The following CMIP variants were observed in gnomAD, a reference collection of about 807,000 sequenced individuals.
The protein encoded by CMIP is c-Maf inducing protein.
CMIP carries 13 observed loss-of-function variants against 97.3 expected under a neutral mutation model. The observed-to-expected ratio is 0.13, with a 90% CI of 0.09 to 0.21. The LOEUF is 0.21. Ranked by LOEUF, CMIP falls within the 10% of genes least tolerant of loss-of-function variation. The pLI is 1.00. For synonymous variants in CMIP, 538 were observed against 436.3 expected (o/e 1.23, Z -2.91); for missense variants, 847 against 1,024.9 (o/e 0.83, Z 2.37).
intron 1 of CMIP, among the ~76,000 whole-genome samples, chr16:81,447,930 G>A (rs558097125): frequency 1.2e-4 from 18 of 152,342 alleles, no homozygotes; most frequent in African/African-American, 3.6e-4. Flanking sequence ...CCAGGCTCTC[G>A]GGGAAGCAGC....
At chr16:81,584,744 T>C (rs1032064686) in intron 1 of CMIP, among the ~76,000 whole-genome samples, 1 of 152,218 alleles carries the variant, frequency 6.6e-6, no homozygotes, top group South Asian at 2.1e-4. Context: ...AATGACTTTC[T>C]GTTCTTGAAT....
In CMIP at chr16:81,610,747, G is replaced by A. The variant is rs552461618; in HGVS notation, c.426+3055G>A. Among the ~76,000 whole-genome samples, 24 of 152,258 alleles carry A rather than the reference G, an allele frequency of 1.6e-4. No individual in the cohort carries two copies. The East Asian group carries it at 3.3e-3, about 21-fold the overall frequency. Reference sequence around the variant, plus strand: ...TGTGTGGTTCTAGGGAGGCTGGGGCGGGGTGCACTTGGCCCCTGGTGTGGT... The same window carrying A: ...TGTGTGGTTCTAGGGAGGCTGGGGCAGGGTGCACTTGGCCCCTGGTGTGGT... On this transcript the variant is annotated intron_variant, in intron 2 of 20. Transcript: ENST00000537098.
At chr16:81,460,690 A>C (rs1218801207) in intron 1 of CMIP, among the ~76,000 whole-genome samples, 2 of 152,150 alleles carry the variant, frequency 1.3e-5, no homozygotes, top group African/African-American at 4.8e-5. Context: ...CAGGAGCTTG[A>C]GGAGATGGAG....
In CMIP at chr16:81,696,680, A is replaced by G. The variant is rs551927602; in HGVS notation, c.1638+13A>G. 1.2e-6 allele frequency: 2 copies of G among 1,602,180 alleles called. No individual in the cohort carries two copies. Among genetic ancestry groups the G allele is most frequent in the African/African-American group, 2.7e-5 (2 of 74,956 alleles). ...GTTCGCCAGCATGGTACGCAGTGGG[A>G]CCCCAGTGGGGTGACTTCCAGGGGT... On this transcript the variant is annotated intron_variant, in intron 14 of 20. Coordinates refer to ENST00000537098, the MANE Select transcript of CMIP (RefSeq NM_198390.3).
intron 1 of CMIP, among the ~76,000 whole-genome samples, chr16:81,509,409 T>A (rs2089770110): frequency 6.6e-6 from 1 of 152,126 alleles, no homozygotes; most frequent in South Asian, 2.1e-4. Flanking sequence ...TTGGTGGGAG[T>A]TTGGCTTTGG....
chr16:81,490,052 G>C (rs1419755515), intron 1 of CMIP, among the ~76,000 whole-genome samples: 1 of 152,220 alleles, frequency 6.6e-6, no homozygotes, highest in African/African-American at 2.4e-5. Flanking sequence ...GAGAGGGCAA[G>C]AGACCTGTGG....
At chr16:81,620,962 C>G (rs1417256066) in intron 3 of CMIP, 36 bp downstream of exon 3, 4 of 1,612,114 alleles carry the variant, frequency 2.5e-6, no homozygotes, top group Admixed American at 3.3e-5. Flanking sequence ...TAAAGCGACT[C>G]AGGCAGTGGT....
At chr16:81,468,857 G>A (rs999792589) in intron 1 of CMIP, among the ~76,000 whole-genome samples, 1 of 152,342 alleles carries the variant, frequency 6.6e-6, no homozygotes, top group South Asian at 2.1e-4. Context: ...CCTGGCACAC[G>A]CTCCATAGGC....
chr16:81,692,854 C>A (rs186163929), intron 11 of CMIP, among the ~76,000 whole-genome samples: 1 of 152,314 alleles, frequency 6.6e-6, no homozygotes, highest in Admixed American at 6.5e-5. Context: ...GTCTCCGGAG[C>A]CCACATGCAC....
chr16:81,527,752 T>A (rs537040190), intron 1 of CMIP, among the ~76,000 whole-genome samples: 1 of 152,390 alleles, frequency 6.6e-6, no homozygotes, highest in African/African-American at 2.4e-5. Flanking sequence ...GAGCTTCATC[T>A]ACATTCTGTT....
chr16:81,597,810 C>T (rs1161265678), intron 1 of CMIP, among the ~76,000 whole-genome samples: 3 of 152,110 alleles, frequency 2.0e-5, no homozygotes, highest in Non-Finnish European at 4.4e-5. Context: ...CTCAAGGACA[C>T]AGATTTCTGT....
chr16:81,670,263 C>G lies in CMIP; in HGVS notation c.929+18C>G, dbSNP rs762914106. On this transcript the variant is annotated intron_variant, in intron 8 of 20. Coordinates refer to ENST00000537098, the MANE Select transcript of CMIP (RefSeq NM_198390.3). ...ATTCAGAGGTGGGTCTCCGGCGCGACGTCCCTCTGTGGCCTAGGAGCCACT... is the reference window on the plus strand; with the variant it reads ...ATTCAGAGGTGGGTCTCCGGCGCGAGGTCCCTCTGTGGCCTAGGAGCCACT... 6.3e-7 allele frequency: 1 copy of G among 1,594,984 alleles called. No individual in the cohort carries two copies. The highest frequency in any genetic ancestry group is 1.1e-5 in the South Asian group (1 of 87,744).
At chr16:81,662,137 C>T (rs549330629) in intron 6 of CMIP, among the ~76,000 whole-genome samples, 16 of 150,850 alleles carry the variant, frequency 1.1e-4, no homozygotes, top group African/African-American at 3.9e-4. Flanking sequence ...CCTGAGAGAA[C>T]GGCCAGCTGC....
In CMIP at chr16:81,678,477, A is replaced by G; in HGVS notation, c.1237A>G (p.Lys413Glu). ...HVEVERTSTA[K>E]PALTASAGND... The stretch of plus-strand genomic sequence containing the variant: ...GGAGGTGGAACGCACCAGCACTGCC[A>G]AGCCGGCGCTGACGGCCAGCGCAGG... Residue 413 changes from lysine (K) to glutamate (E), a missense_variant, in exon 10 of 21, where the codon AAG becomes GAG. Around this residue, in one of 4 missense-constraint regions of CMIP, gnomAD observed 202 missense variants for 168.7 expected, o/e 1.20. Coordinates refer to ENST00000537098, the MANE Select transcript of CMIP (RefSeq NM_198390.3). The G allele has an allele frequency of 6.3e-7, 1 of 1,594,852 alleles. No homozygotes were observed. Among genetic ancestry groups the G allele is most frequent in the Non-Finnish European group, 8.5e-7 (1 of 1,171,564 alleles).
chr16:81,614,948 C>T lies in CMIP; in HGVS notation c.427-5928C>T, dbSNP rs933897902. On this transcript the variant is annotated intron_variant, in intron 2 of 20. Coordinates refer to ENST00000537098, the MANE Select transcript of CMIP (RefSeq NM_198390.3). This position sits in a 1 kb window ranked among gnomAD's most constrained non-coding sequence, Gnocchi z 5.3. Reference sequence around the variant, plus strand: ...TGTGTATCTCTGTGTGTGGTGTGTGCATGTGTGTGGTGTGTTGTGTGATAT... The same window carrying T: ...TGTGTATCTCTGTGTGTGGTGTGTGTATGTGTGTGGTGTGTTGTGTGATAT... Among the ~76,000 whole-genome samples the T allele has an allele frequency of 2.8e-5, 4 of 143,132 alleles. No individual in the cohort carries two copies. Among genetic ancestry groups the T allele is most frequent in the Non-Finnish European group, 4.6e-5 (3 of 65,210 alleles). 93.9% of individuals were successfully genotyped at this position (143,132 alleles called of 152,430 possible).
At chr16:81,702,958 G>T (rs932605028) in intron 17 of CMIP, among the ~76,000 whole-genome samples, 2 of 152,178 alleles carry the variant, frequency 1.3e-5, no homozygotes, top group African/African-American at 4.8e-5. Context: ...TTGAGCATTT[G>T]TGTGTCAGAT....
Position 81,708,262 on chromosome 16 carries a change from C to T in CMIP, c.2268+1178C>T, listed in dbSNP as rs896849470. Among the ~76,000 whole-genome samples the T allele has an allele frequency of 2.6e-5, 4 of 152,238 alleles. No homozygotes were observed. In the East Asian group the frequency reaches 7.7e-4, roughly 29 times the overall value. Reference sequence around the variant, plus strand: ...AGATCACCCATCCCAGCGTTTAGACCTCAGCCCTCAGGGTGGCGTCTGCAG... The same window carrying T: ...AGATCACCCATCCCAGCGTTTAGACTTCAGCCCTCAGGGTGGCGTCTGCAG... On this transcript the variant is annotated intron_variant, in intron 20 of 20. Coordinates refer to ENST00000537098, the MANE Select transcript of CMIP (RefSeq NM_198390.3).
intron 1 of CMIP, among the ~76,000 whole-genome samples, chr16:81,541,497 A>C (rs1208394832): frequency 6.6e-6 from 1 of 152,154 alleles, no homozygotes; most frequent in Non-Finnish European, 1.5e-5. Flanking sequence ...TGGGACCCTC[A>C]CACGCTTCTT....
chr16:81,500,831 C>T (rs982729279), intron 1 of CMIP, among the ~76,000 whole-genome samples: 2 of 152,118 alleles, frequency 1.3e-5, no homozygotes, highest in Non-Finnish European at 2.9e-5. Context: ...CCTTCCCTTC[C>T]TCCCTCCCTT....
Sources: allele counts gnomAD v4.1 joint callset (sites outside exome capture counted in the v4.1 genomes callset), GRCh38; gene constraint gnomAD v4.1.1; regional missense constraint gnomAD v4.1.1; non-coding constraint Gnocchi (gnomAD v3.1); transcripts MANE v1.5; gene names NCBI Gene and HGNC (gene_info 2026-07-23, HGNC 2026-07-21).